Variants in CDH13 observed in about 807,000 individuals in gnomAD.
CDH13 encodes the protein cadherin-13.
Under a neutral mutation model 63.8 loss-of-function variants are expected in CDH13, and 24 were observed. The ratio of observed to expected loss-of-function variants is 0.38; its 90% confidence interval spans 0.27 to 0.53. CDH13 has a LOEUF of 0.53. Ranked by LOEUF, CDH13 falls within the 20% of genes least tolerant of loss-of-function variation. CDH13 has a pLI of 0.85. For synonymous variants in CDH13, 503 were observed against 355.3 expected (o/e 1.42, Z -4.67); for missense variants, 1,049 against 903.1 (o/e 1.16, Z -2.07).
intron 7 of CDH13, among the ~76,000 whole-genome samples, chr16:83,577,947 C>G (rs61044036): frequency 6.6e-6 from 1 of 152,174 alleles, no homozygotes; most frequent in East Asian, 1.9e-4. Context: ...ACATAAATAC[C>G]TTTTCCACAA....
intron 2 of CDH13, 65 bp downstream of exon 2, chr16:82,858,538 A>C (rs2039798492): frequency 3.0e-6 from 3 of 994,534 alleles, no homozygotes; most frequent in Middle Eastern, 2.5e-4. Context: ...AATGTTTATG[A>C]CTGTGTCTCA....
intron 4 of CDH13, among the ~76,000 whole-genome samples, chr16:83,207,399 T>C (rs1213953340): frequency 6.6e-6 from 1 of 152,244 alleles, no homozygotes; most frequent in Admixed American, 6.5e-5. Flanking sequence ...TGTGTTGCAA[T>C]AGGTATCAGC....
intron 6 of CDH13, among the ~76,000 whole-genome samples, chr16:83,438,638 C>T (rs1442556284): frequency 6.6e-6 from 1 of 152,222 alleles, no homozygotes; most frequent in Non-Finnish European, 1.5e-5. Flanking sequence ...ATACCAAGAG[C>T]TATTCAGCTC....
intron 3 of CDH13, among the ~76,000 whole-genome samples, chr16:83,092,749 C>G (rs1304129929): frequency 6.6e-6 from 1 of 152,136 alleles, no homozygotes; most frequent in African/African-American, 2.4e-5. Context: ...ATTATTACCC[C>G]AAAGAGTAGG....
intron 1 of CDH13, among the ~76,000 whole-genome samples, chr16:82,710,867 A>C (rs1255891622): frequency 6.6e-6 from 1 of 151,534 alleles, no homozygotes; most frequent in East Asian, 1.9e-4. Context: ...TTCAGAATCA[A>C]ACAGCCCATT....
intron 4 of CDH13, among the ~76,000 whole-genome samples, chr16:83,133,682 A>G (rs2036154043): frequency 6.6e-6 from 1 of 152,144 alleles, no homozygotes; most frequent in Non-Finnish European, 1.5e-5. Flanking sequence ...TATTTTTGGT[A>G]GAGATGGGGG....
intron 1 of CDH13, among the ~76,000 whole-genome samples, chr16:82,687,441 T>A (rs1915192246): frequency 6.6e-6 from 1 of 152,148 alleles, no homozygotes; most frequent in South Asian, 2.1e-4. Context: ...GCAAGTGGTT[T>A]AATGGACTTA....
chr16:82,730,842 A>C (rs574008890), intron 1 of CDH13, among the ~76,000 whole-genome samples: 105 of 152,330 alleles, frequency 6.9e-4, no homozygotes, highest in Non-Finnish European at 2.9e-4. Flanking sequence ...TTACATTTTC[A>C]TGAATTTTTC....
At chr16:83,282,494 C>T (rs982726317) in intron 5 of CDH13, among the ~76,000 whole-genome samples, 2 of 151,976 alleles carry the variant, frequency 1.3e-5, no homozygotes, top group African/African-American at 4.8e-5. Flanking sequence ...GTAAGCAAGG[C>T]TCCAACCCAA....
intron 1 of CDH13, among the ~76,000 whole-genome samples, chr16:82,661,838 G>A (rs1026305956): frequency 6.6e-5 from 10 of 152,198 alleles, no homozygotes; most frequent in African/African-American, 2.2e-4. Flanking sequence ...ACACAATTTA[G>A]GAACAACTAA....
chr16:83,539,490 C>T (rs2075259766), intron 7 of CDH13, among the ~76,000 whole-genome samples: 1 of 152,052 alleles, frequency 6.6e-6, no homozygotes, highest in South Asian at 2.1e-4. Flanking sequence ...AAATGCTAGT[C>T]CACATGAAAG....
chr16:83,150,292 C>T (rs1215859886), intron 4 of CDH13, among the ~76,000 whole-genome samples: 3 of 152,134 alleles, frequency 2.0e-5, no homozygotes, highest in Non-Finnish European at 4.4e-5. Context: ...AATGACATCC[C>T]TAATTCTCTC....
intron 1 of CDH13, among the ~76,000 whole-genome samples, chr16:82,793,754 G>A (rs546403353): frequency 3.9e-5 from 6 of 152,278 alleles, no homozygotes; most frequent in Non-Finnish European, 8.8e-5. Flanking sequence ...CGCTCCCCAA[G>A]CTCTGAATGA....
At chr16:83,730,110 A>G (rs994712878) in intron 10 of CDH13, among the ~76,000 whole-genome samples, 2 of 152,242 alleles carry the variant, frequency 1.3e-5, no homozygotes, top group Admixed American at 1.3e-4. Context: ...ATGTCTACGT[A>G]GCATTCCATT....
At chr16:82,939,457 G>A (rs2042765855) in intron 2 of CDH13, among the ~76,000 whole-genome samples, 1 of 148,858 alleles carries the variant, frequency 6.7e-6, no homozygotes, top group African/African-American at 2.5e-5. Context: ...AAGGGAGAGG[G>A]AGGGAGAGGG....
At chr16:82,909,683 G>A (rs2041766688) in intron 2 of CDH13, among the ~76,000 whole-genome samples, 1 of 151,956 alleles carries the variant, frequency 6.6e-6, no homozygotes, top group African/African-American at 2.4e-5. Flanking sequence ...TGAGATGAGG[G>A]GAACAGCATG....
chr16:82,895,632 A>G (rs1363204360), intron 2 of CDH13, among the ~76,000 whole-genome samples: 1 of 151,772 alleles, frequency 6.6e-6, no homozygotes, highest in East Asian at 1.9e-4. Context: ...ACTTTGAATT[A>G]TGTGAGGTAG....
intron 7 of CDH13, among the ~76,000 whole-genome samples, chr16:83,566,248 A>G (rs1339478841): frequency 6.6e-6 from 1 of 152,060 alleles, no homozygotes; most frequent in East Asian, 1.9e-4. Flanking sequence ...ATCGTTCCCC[A>G]GCACCCACCA....
At chr16:82,808,620 A>T (rs907791626) in intron 1 of CDH13, among the ~76,000 whole-genome samples, 10 of 152,184 alleles carry the variant, frequency 6.6e-5, no homozygotes, top group African/African-American at 2.4e-4. Context: ...TTATTTTTTC[A>T]TAAGATGATG....
Sources: allele counts gnomAD v4.1 joint callset (sites outside exome capture counted in the v4.1 genomes callset), GRCh38; gene constraint gnomAD v4.1.1; transcripts MANE v1.5; gene names NCBI Gene and HGNC (gene_info 2026-07-23, HGNC 2026-07-21).